The following VAV3 variants were observed in gnomAD, a reference collection of about 807,000 sequenced individuals.
VAV3 encodes the protein guanine nucleotide exchange factor VAV3.
A neutral mutation model predicts 131.2 loss-of-function variants in VAV3; 94 were observed. That is an observed-to-expected ratio of 0.72 (90% CI 0.61 to 0.85). The LOEUF is 0.85. Ranked by LOEUF, VAV3 falls within the 40% of genes least tolerant of loss-of-function variation. VAV3 has a pLI of 0.00. For missense variants in VAV3, 939 were observed against 1,002.7 expected (o/e 0.94, Z 0.86); for synonymous variants, 349 against 342.0 (o/e 1.02, Z -0.22).
intron 2 of VAV3, among the ~76,000 whole-genome samples, chr1:107,874,218 T>C (rs1176054377): frequency 6.6e-6 from 1 of 152,202 alleles, no homozygotes; most frequent in Non-Finnish European, 1.5e-5. Context: ...GTCCACTCAC[T>C]TCATAATAAA....
intron 17 of VAV3, among the ~76,000 whole-genome samples, chr1:107,699,054 C>A (rs1474676273): frequency 6.6e-6 from 1 of 152,148 alleles, no homozygotes; most frequent in Non-Finnish European, 1.5e-5. Context: ...AAACTCACAT[C>A]CTCATATTCA....
At chr1:107,882,270 G>C (rs977402512) in intron 1 of VAV3, among the ~76,000 whole-genome samples, 5 of 152,150 alleles carry the variant, frequency 3.3e-5, no homozygotes, top group African/African-American at 9.7e-5. Flanking sequence ...GAGCCAACCT[G>C]TGTGTTGAAG....
intron 25 of VAV3, among the ~76,000 whole-genome samples, chr1:107,588,989 T>C (rs544224108): frequency 1.3e-5 from 2 of 152,338 alleles, no homozygotes; most frequent in East Asian, 1.9e-4. Context: ...GGCAATACAA[T>C]TCATTGAAAA....
chr1:107,857,443 A>T (rs1366235645), intron 2 of VAV3, among the ~76,000 whole-genome samples: 1 of 152,188 alleles, frequency 6.6e-6, no homozygotes, highest in Non-Finnish European at 1.5e-5. Flanking sequence ...TATTCTTATT[A>T]AAAATCCTAA....
At chr1:107,635,532 A>G (rs1654854467) in intron 20 of VAV3, among the ~76,000 whole-genome samples, 1 of 151,772 alleles carries the variant, frequency 6.6e-6, no homozygotes, top group African/African-American at 2.4e-5. Flanking sequence ...ATGAGAAGTT[A>G]ATGGGTGCAG....
chr1:107,634,204 C>T (rs1054009406), intron 20 of VAV3, among the ~76,000 whole-genome samples: 1 of 152,106 alleles, frequency 6.6e-6, no homozygotes, highest in African/African-American at 2.4e-5. Context: ...AGGCATCATG[C>T]TACCTGACTT....
In VAV3 at chr1:107,667,945, T is replaced by C. The variant is rs55671314; in HGVS notation, c.1777+15543A>G. On this transcript the variant is annotated intron_variant, in intron 19 of 26. Transcript: ENST00000370056. ...GCCATCTGCAGTGTCTGCTTGCCCT[T>C]TGCCCAACTGGGCCCTTCCGAGAAG... Among the ~76,000 whole-genome samples, 871 of 152,246 alleles carry C rather than the reference T, an allele frequency of 5.7e-3. 8 individuals are homozygous for C. The highest frequency in any genetic ancestry group is 0.02 in the African/African-American group (826 of 41,548).
chr1:107,959,034 G>A (rs58122070), intron 1 of VAV3, among the ~76,000 whole-genome samples: 8,175 of 152,136 alleles, frequency 0.054, 581 homozygotes, highest in African/African-American at 0.16. Flanking sequence ...GGCCAAGGCG[G>A]CCTGATGACC....
rs79334501 is a variant in VAV3 at position 107,825,453 on chromosome 1, G to A, written c.322-45961C>T. Among the ~76,000 whole-genome samples the A allele has an allele frequency of 6.6e-4, 99 of 150,928 alleles. No homozygotes were observed. The East Asian group carries it at 0.018, about 28-fold the overall frequency. ...GATTAATGTCAAAGATAGTACCCTC[G>A]CGGGAAAAAAAAAAACTGCCTAAGC... On this transcript the variant is annotated intron_variant, in intron 2 of 26. Transcript: ENST00000370056.
chr1:107,590,531 A>G (rs1169978724), intron 25 of VAV3, among the ~76,000 whole-genome samples: 1 of 152,162 alleles, frequency 6.6e-6, no homozygotes, highest in East Asian at 1.9e-4. Flanking sequence ...ATAAAATTCT[A>G]CCTTCAATCC....
intron 12 of VAV3, among the ~76,000 whole-genome samples, chr1:107,754,275 G>C (rs1381855061): frequency 6.6e-6 from 1 of 152,110 alleles, no homozygotes; most frequent in African/African-American, 2.4e-5. Context: ...TCCACATTTT[G>C]GAAATGCAAC....
At chr1:107,698,471 T>C (rs1485413030) in intron 17 of VAV3, among the ~76,000 whole-genome samples, 1 of 152,200 alleles carries the variant, frequency 6.6e-6, no homozygotes, top group Non-Finnish European at 1.5e-5. Flanking sequence ...AGCAAAGCTA[T>C]AATGTACAAT....
At chr1:107,758,374 A>G (rs995527441) in intron 10 of VAV3, among the ~76,000 whole-genome samples, 2 of 152,128 alleles carry the variant, frequency 1.3e-5, no homozygotes, top group Non-Finnish European at 2.9e-5. Flanking sequence ...ATTTGAGATC[A>G]GCCTGGGCAA....
intron 20 of VAV3, among the ~76,000 whole-genome samples, chr1:107,619,645 T>C (rs988376670): frequency 5.9e-5 from 9 of 152,116 alleles, no homozygotes; most frequent in African/African-American, 1.9e-4. Context: ...ATAAGTCTAT[T>C]TTGCGAGGAA....
intron 1 of VAV3, among the ~76,000 whole-genome samples, chr1:107,876,014 AGAG>A (rs1670479000): frequency 1.3e-5 from 2 of 152,176 alleles, no homozygotes; most frequent in Non-Finnish European, 2.9e-5. Flanking sequence ...AGAGCAAAGA[AGAG>A]GAGAGTACCT....
At chr1:107,783,874 C>T (rs1665836135) in intron 2 of VAV3, among the ~76,000 whole-genome samples, 1 of 146,994 alleles carries the variant, frequency 6.8e-6, no homozygotes, top group Non-Finnish European at 1.5e-5. Context: ...CAGTGAAACC[C>T]TATCTCTACT....
At chr1:107,772,870 C>A in intron 4 of VAV3, 27 bp from the exon 5 acceptor site, 1 of 1,587,440 alleles carries the variant, frequency 6.3e-7, no homozygotes, top group Non-Finnish European at 8.6e-7. Flanking sequence ...CATATAAGGT[C>A]ATTTTCTATT....
At chr1:107,678,326 T>G (rs1484835754) in intron 19 of VAV3, among the ~76,000 whole-genome samples, 1 of 152,194 alleles carries the variant, frequency 6.6e-6, no homozygotes, top group East Asian at 1.9e-4. Flanking sequence ...AGAAATTAGC[T>G]TTAGAGGTGA....
intron 1 of VAV3, among the ~76,000 whole-genome samples, chr1:107,880,626 T>C (rs1670719782): frequency 6.6e-6 from 1 of 152,002 alleles, no homozygotes; most frequent in Non-Finnish European, 1.5e-5. Flanking sequence ...CAAAACCTCA[T>C]CTCTGCTAAA....
Sources: gnomAD v4.1 joint callset for allele counts (sites outside exome capture counted in the v4.1 genomes callset) on GRCh38, gnomAD v4.1.1 for gene constraint, MANE v1.5 for transcripts, NCBI Gene and HGNC (gene_info 2026-07-23, HGNC 2026-07-21) for gene names.